SYNE3: variants seen among roughly 807,000 people sequenced by gnomAD.
The protein encoded by SYNE3 is nesprin-3.
A neutral mutation model predicts 111.2 loss-of-function variants in SYNE3; 100 were observed. The observed-to-expected ratio is 0.90, with a 90% CI of 0.77 to 1.06. SYNE3 has a LOEUF of 1.06. Ranked by LOEUF, SYNE3 falls within the 50% of genes least tolerant of loss-of-function variation. The probability of loss-of-function intolerance (pLI) is 0.00; values close to 1 mark genes in which losing one functional copy is unlikely to be tolerated. For synonymous variants in SYNE3, 547 were observed against 533.9 expected, an observed-to-expected ratio of 1.02 and a Z score of -0.34; for missense variants, 1,160 against 1,240.3, an observed-to-expected ratio of 0.94 and a Z score of 0.97.
chr14:95,467,713 C>G, intron 3 of SYNE3, 82 bp downstream of exon 3: 3 of 1,540,840 alleles, frequency 1.9e-6, no homozygotes. Flanking sequence ...AGAAATGTCT[C>G]TTGGGCAGAG....
chr14:95,482,393 C>T (rs1267616107), intron 1 of SYNE3, among the ~76,000 whole-genome samples: 2 of 152,290 alleles, frequency 1.3e-5, no homozygotes, highest in East Asian at 3.9e-4. Context: ...GAGATTGCGC[C>T]ACTGCACTCC....
chr14:95,450,144 A>G, intron 7 of SYNE3, 39 bp from the exon 8 acceptor site: 1 of 1,550,536 alleles, frequency 6.4e-7, no homozygotes, highest in South Asian at 1.2e-5. Context: ...GGGAGGAGAG[A>G]GAGTGGGTTC....
Position 95,452,125 on chromosome 14 carries a change from A to G in SYNE3, c.1274+122T>C, listed in dbSNP as rs1051882378. 5 of 1,185,538 alleles carry G rather than the reference A, an allele frequency of 4.2e-6. No homozygotes were observed. The African/African-American group carries it at 6.1e-5, about 14-fold the overall frequency. 73.4% of individuals were successfully genotyped at this position (1,185,538 alleles called of 1,614,324 possible). ...GAACCTCTAAAAGCCAGTCATTGAG[A>G]GGTACAAAGAATGATTTAGAAGTTA... On this transcript the variant is annotated intron_variant, in intron 7 of 17. Transcript: ENST00000682763.
In SYNE3 at chr14:95,407,897, A is replaced by G. The variant is rs1903324129; in HGVS notation, c.*9929T>C. The stretch of plus-strand genomic sequence containing the variant: ...TAGTGTAACCAGGTCTCCAGGTACA[A>G]AGGATGAAGTGGGTTTGCTCACATA... On this transcript the variant is annotated 3_prime_UTR_variant, in exon 18 of 18. Coordinates refer to ENST00000682763, the MANE Select transcript of SYNE3 (RefSeq NM_152592.6). 6.6e-6 allele frequency: 1 copy of G among 152,178 alleles called. No homozygotes were observed. The highest frequency in any genetic ancestry group is 1.5e-5 in the Non-Finnish European group (1 of 68,052). 9.4% of individuals were successfully genotyped at this position (152,178 alleles called of 1,614,324 possible). A position where few individuals can be genotyped will look rare whatever the true frequency, so the allele number is the denominator to read the frequency against.
At chr14:95,457,093 A>T in intron 5 of SYNE3, 84 bp downstream of exon 5, 1 of 1,479,260 alleles carries the variant, frequency 6.8e-7, no homozygotes, top group East Asian at 2.3e-5. Flanking sequence ...TCAAAAAAAA[A>T]AAAAAAAAAG....
chr14:95,479,224 CAAAAAA>C (rs71132351), intron 1 of SYNE3, among the ~76,000 whole-genome samples: 25,594 of 85,520 alleles, frequency 0.3, 2,826 homozygotes, highest in South Asian at 0.47. Context: ...TCGTCTCTAC[CAAAAAA>C]AAAAAAAAAA....
rs189672870 is a variant in SYNE3 at position 95,409,924 on chromosome 14, C to A, written c.*7902G>T. 6.0e-4 allele frequency: 95 copies of A among 158,392 alleles called. No individual in the cohort carries two copies. Among genetic ancestry groups the A allele is most frequent in the Middle Eastern group, 3.3e-3 (1 of 302 alleles). 9.8% of individuals were successfully genotyped at this position (158,392 alleles called of 1,614,324 possible). A position where few individuals can be genotyped will look rare whatever the true frequency, so the allele number is the denominator to read the frequency against. On this transcript the variant is annotated 3_prime_UTR_variant, in exon 18 of 18. Coordinates refer to ENST00000682763, the MANE Select transcript of SYNE3 (RefSeq NM_152592.6). ...AGCTGGCCTGGAAAGGCTCAGAGAT[C>A]CTCATTTTCCAAGATTTGCACCCAG... is the stretch of plus-strand genomic sequence containing the variant.
At chr14:95,504,409 C>T (rs1253685797) in intron 1 of SYNE3, among the ~76,000 whole-genome samples, 1 of 152,228 alleles carries the variant, frequency 6.6e-6, no homozygotes, top group South Asian at 2.1e-4. Flanking sequence ...TATACTAGTC[C>T]TTTCAGCAAA....
chr14:95,411,245 T>C lies in SYNE3; in HGVS notation c.*6581A>G, dbSNP rs772870751. On this transcript the variant is annotated 3_prime_UTR_variant, in exon 18 of 18. Transcript: ENST00000682763. ...CATCCCATTGTCTGCTTTCTGGGGC[T>C]AGTTTGTCTCACCCAATTACTAGAT... is the stretch of plus-strand genomic sequence containing the variant. 2 of 151,878 alleles carry C rather than the reference T, an allele frequency of 1.3e-5. No individual in the cohort carries two copies. Among genetic ancestry groups the C allele is most frequent in the Non-Finnish European group, 2.9e-5 (2 of 68,002 alleles). 9.4% of individuals were successfully genotyped at this position (151,878 alleles called of 1,614,324 possible). A position where few individuals can be genotyped will look rare whatever the true frequency, so the allele number is the denominator to read the frequency against.
intron 17 of SYNE3, among the ~76,000 whole-genome samples, chr14:95,431,110 T>A (rs1036437109): frequency 6.6e-6 from 1 of 152,218 alleles, no homozygotes; most frequent in East Asian, 1.9e-4. Flanking sequence ...CGGAGGAGGC[T>A]CGTGTCATTA....
intron 1 of SYNE3, among the ~76,000 whole-genome samples, chr14:95,486,075 G>A (rs924724921): frequency 4.6e-5 from 7 of 152,008 alleles, no homozygotes; most frequent in Admixed American, 1.3e-4. Context: ...CTGGGAAAGC[G>A]GCCCTTCCCC....
chr14:95,414,145 A>G lies in SYNE3; in HGVS notation c.*3681T>C, dbSNP rs189224946. ...CCAGGGAACTCCATTCCCAGAGGCT[A>G]CAGAGACTGCAACCTGGTAGAACCA... On this transcript the variant is annotated 3_prime_UTR_variant, in exon 18 of 18. Coordinates refer to ENST00000682763, the MANE Select transcript of SYNE3 (RefSeq NM_152592.6). The G allele has an allele frequency of 1.3e-5, 2 of 152,368 alleles. No homozygotes were observed. Among genetic ancestry groups the G allele is most frequent in the Admixed American group, 1.3e-4 (2 of 15,310 alleles). The allele number at this position is 152,368 out of a possible 1,614,324, so 9.4% of individuals were successfully genotyped here. A position where few individuals can be genotyped will look rare whatever the true frequency, so the allele number is the denominator to read the frequency against.
chr14:95,436,274 A>G (rs1886081069), intron 15 of SYNE3, among the ~76,000 whole-genome samples: 1 of 152,126 alleles, frequency 6.6e-6, no homozygotes, highest in African/African-American at 2.4e-5. Flanking sequence ...CTTGACCTCA[A>G]AAGTCCTTGC....
chr14:95,484,283 G>C (rs1475295268), intron 1 of SYNE3, among the ~76,000 whole-genome samples: 2 of 152,228 alleles, frequency 1.3e-5, no homozygotes, highest in African/African-American at 4.8e-5. Flanking sequence ...AGGCCAGGCT[G>C]CTGCAGAGAT....
rs192385027 is a variant in SYNE3 at position 95,431,111 on chromosome 14, C to T, written c.2727+968G>A. Reference sequence around the variant, plus strand: ...GGATCAGAGCATGCCGGAGGAGGCTCGTGTCATTACGGGCCAATGCCTAGC... The same window carrying T: ...GGATCAGAGCATGCCGGAGGAGGCTTGTGTCATTACGGGCCAATGCCTAGC... On this transcript the variant is annotated intron_variant, in intron 17 of 17. Transcript: ENST00000682763. Among the ~76,000 whole-genome samples the T allele has an allele frequency of 2.0e-5, 3 of 152,358 alleles. No individual in the cohort carries two copies. In the East Asian group the frequency reaches 5.8e-4, roughly 29 times the overall value.
intron 1 of SYNE3, among the ~76,000 whole-genome samples, chr14:95,508,773 G>A (rs757055671): frequency 6.6e-6 from 1 of 152,252 alleles, no homozygotes; most frequent in Non-Finnish European, 1.5e-5. Context: ...CCAACCCCCA[G>A]AGAACCCAGG....
At chr14:95,462,713 G>A (rs1887909589) in intron 4 of SYNE3, among the ~76,000 whole-genome samples, 1 of 152,156 alleles carries the variant, frequency 6.6e-6, no homozygotes, top group African/African-American at 2.4e-5. Context: ...AGCACCCGGG[G>A]CCCCAGCTCA....
chr14:95,487,244 G>A (rs1198018850), intron 1 of SYNE3, among the ~76,000 whole-genome samples: 1 of 152,214 alleles, frequency 6.6e-6, no homozygotes, highest in Non-Finnish European at 1.5e-5. Context: ...TGCCATTTAT[G>A]ACATGTTTAC....
chr14:95,469,003 A>C (rs927212777), intron 2 of SYNE3, among the ~76,000 whole-genome samples: 2 of 152,188 alleles, frequency 1.3e-5, no homozygotes, highest in African/African-American at 4.8e-5. Context: ...GAATGAGGGA[A>C]GATAAGCATT....
Sources: allele counts gnomAD v4.1 joint callset (sites outside exome capture counted in the v4.1 genomes callset), GRCh38; gene constraint gnomAD v4.1.1; transcripts MANE v1.5; gene names NCBI Gene and HGNC (gene_info 2026-07-23, HGNC 2026-07-21).